The following AASDH variants were observed in gnomAD, a reference collection of about 807,000 sequenced individuals.
The protein encoded by AASDH is aminoadipate-semialdehyde dehydrogenase.
In AASDH, 81 loss-of-function variants were observed where a neutral mutation model predicts 102.3. The observed-to-expected ratio is 0.79, with a 90% confidence interval of 0.66 to 0.95. The LOEUF (loss-of-function observed/expected upper bound fraction) is 0.95. Among genes scored for constraint, AASDH ranks in the 40% least tolerant of loss-of-function variants. AASDH has a pLI of 0.00. For synonymous variants in AASDH, 398 were observed against 454.0 expected (o/e 0.88, Z 1.57); for missense variants, 1,203 against 1,266.2 (o/e 0.95, Z 0.76).
Position 56,338,311 on chromosome 4 carries a change from T to A in AASDH, c.*91A>T. 7.6e-7 allele frequency: 1 copy of A among 1,311,720 alleles called. No individual in the cohort carries two copies. The highest frequency in any genetic ancestry group is 1.0e-6 in the Non-Finnish European group (1 of 989,334). 81.3% of individuals were successfully genotyped at this position (1,311,720 alleles called of 1,614,324 possible). A position where few individuals can be genotyped will look rare whatever the true frequency, so the allele number is the denominator to read the frequency against. Reference sequence around the variant, plus strand: ...TCCGTTTCTTAGCCAAAATATAATCTTCTTTAATATAAAATAAGTCCACAT... The same window carrying A: ...TCCGTTTCTTAGCCAAAATATAATCATCTTTAATATAAAATAAGTCCACAT... On this transcript the variant is annotated 3_prime_UTR_variant, in exon 15 of 15. Transcript: ENST00000205214.
At chr4:56,382,654 A>C in intron 2 of AASDH, 57 bp from the exon 3 acceptor site, 2 of 1,555,560 alleles carry the variant, frequency 1.3e-6, no homozygotes, top group Non-Finnish European at 1.7e-6. Context: ...TATTTGTTTA[A>C]GCATTTCTAT....
intron 1 of AASDH, among the ~76,000 whole-genome samples, chr4:56,386,355 A>G (rs1753552031): frequency 6.6e-6 from 1 of 152,082 alleles, no homozygotes; most frequent in South Asian, 2.1e-4. Context: ...GTTTCTTTCC[A>G]TTTTCCCAAT....
rs541265003 is a variant in AASDH, at chr4:56,350,090, G to A, written c.1693-32C>T. On this transcript the variant is annotated intron_variant, in intron 10 of 14. Transcript: ENST00000205214. ...ATGAGAGAATAGAGAAATATGTGACGTAAAGGTCTAAAAGCAAAAGACTTC... is the reference window on the plus strand; with the variant it reads ...ATGAGAGAATAGAGAAATATGTGACATAAAGGTCTAAAAGCAAAAGACTTC... 83 of 1,505,470 alleles carry A rather than the reference G, an allele frequency of 5.5e-5. No individual in the cohort carries two copies. In the South Asian group the frequency reaches 8.8e-4, roughly 16 times the overall value. The allele number at this position is 1,505,470 out of a possible 1,614,324, so 93.3% of individuals were successfully genotyped here. A position where few individuals can be genotyped will look rare whatever the true frequency, so the allele number is the denominator to read the frequency against.
intron 4 of AASDH, among the ~76,000 whole-genome samples, chr4:56,375,157 A>G (rs1486072218): frequency 6.6e-6 from 1 of 151,544 alleles, no homozygotes; most frequent in African/African-American, 2.4e-5. Context: ...AAGTTCAATC[A>G]CAGTTCACTG....
At chr4:56,344,098 A>G (rs900674197) in intron 12 of AASDH, among the ~76,000 whole-genome samples, 6 of 152,136 alleles carry the variant, frequency 3.9e-5, no homozygotes, top group African/African-American at 1.4e-4. Context: ...TCTCTACCTT[A>G]TCATTGAACG....
intron 4 of AASDH, among the ~76,000 whole-genome samples, chr4:56,373,502 G>T (rs938605844): frequency 6.6e-6 from 1 of 152,082 alleles, no homozygotes; most frequent in African/African-American, 2.4e-5. Context: ...CTGCCTTGGG[G>T]AGAAAGAGAA....
chr4:56,345,335 T>C, intron 11 of AASDH, 45 bp from the exon 12 acceptor site: 3 of 1,555,836 alleles, frequency 1.9e-6, no homozygotes, highest in South Asian at 2.3e-5. Context: ...GATATATTAC[T>C]GGAAAATAAT....
At chr4:56,341,619 T>C (rs1747704217) in intron 14 of AASDH, among the ~76,000 whole-genome samples, 2 of 148,814 alleles carry the variant, frequency 1.3e-5, no homozygotes, top group Non-Finnish European at 3.0e-5. Context: ...GCCAGGATGG[T>C]CTCGATCTCC....
At chr4:56,364,438 T>G (rs989922974) in intron 5 of AASDH, among the ~76,000 whole-genome samples, 22 of 151,818 alleles carry the variant, frequency 1.4e-4, no homozygotes, top group Non-Finnish European at 2.2e-4. Flanking sequence ...AAGTTGAAAT[T>G]AAGGAAAAAA....
chr4:56,342,954 C>T lies in AASDH; in HGVS notation c.2788G>A (p.Val930Ile), dbSNP rs771373118. Residue 930 changes from valine to isoleucine, a missense_variant, in exon 14 of 15, where the codon GTT (valine) becomes ATT (isoleucine). By Grantham distance (29) the Val-to-Ile change is conservative. Coordinates refer to ENST00000205214, the MANE Select transcript of AASDH (RefSeq NM_181806.4). ...LLAVNPATGN[V>I]IWKHSCGKPL... ...TTTCCACAGGAATGTTTCCAAATAA[C>T]GTTCCCAGTAGCCTGTCACAGGAAA... 2.1e-5 allele frequency: 34 copies of T among 1,584,402 alleles called. No homozygotes were observed. The highest frequency in any genetic ancestry group is 2.4e-5 in the Non-Finnish European group (28 of 1,165,532).
chr4:56,386,637 C>CA (rs1408423384), intron 1 of AASDH, among the ~76,000 whole-genome samples: 2 of 148,256 alleles, frequency 1.3e-5, no homozygotes, highest in Non-Finnish European at 3.0e-5. Flanking sequence ...ACTAAAAATA[C>CA]AAAAAATTAG....
At chr4:56,375,844 T>C (rs1308760729) in intron 4 of AASDH, among the ~76,000 whole-genome samples, 1 of 151,972 alleles carries the variant, frequency 6.6e-6, no homozygotes, top group Non-Finnish European at 1.5e-5. Context: ...TTTGAGGCTA[T>C]CAAAAAAAGA....
chr4:56,338,585 C>T lies in AASDH; in HGVS notation c.3114G>A (p.Leu1038=). The change falls in exon 15 of 15, where the codon CTG becomes CTA. Residue 1038 remains leucine, a synonymous_variant. Transcript: ENST00000205214. The stretch of plus-strand genomic sequence containing the variant: ...CTTTCCCATCAGTAGATGCTGCTGC[C>T]AGCAACATTTCATTGCTGCCATTGT... ...HNYNGSNEML[L]AAASTDGKVW... is the part of the protein sequence containing the mutation. The T allele has an allele frequency of 6.2e-7, 1 of 1,614,194 alleles. No individual in the cohort carries two copies. The highest frequency in any genetic ancestry group is 1.1e-5 in the South Asian group (1 of 91,078).
chr4:56,338,698 TAAAGC>T lies in AASDH; in HGVS notation c.2996_3000del (p.Cys999TyrfsTer5), dbSNP rs1180593317. On this transcript the variant is annotated frameshift_variant, in exon 15 of 15. Transcript: ENST00000205214. LOFTEE classifies it high-confidence loss of function. ...TGACCTTTCATGTTACAACAGTAGA[TAAAGC>T]AATCATGGGAACCAAAAAATATTTT... 1 of 1,614,186 alleles carries T rather than the reference TAAAGC, an allele frequency of 6.2e-7. No individual in the cohort carries two copies. The highest frequency in any genetic ancestry group is 8.5e-7 in the Non-Finnish European group (1 of 1,180,022).
At chr4:56,342,770 A>G in intron 14 of AASDH, 65 bp downstream of exon 14, 1 of 678,972 alleles carries the variant, frequency 1.5e-6, no homozygotes, top group Non-Finnish European at 1.9e-6. Flanking sequence ...TTCTAGTTCT[A>G]TTTTTTATAT....
chr4:56,380,907 TA>T (rs1752877858), intron 3 of AASDH, among the ~76,000 whole-genome samples: 1 of 152,216 alleles, frequency 6.6e-6, no homozygotes, highest in African/African-American at 2.4e-5. Context: ...AGTTGAGAAC[TA>T]CTGCTTTAGT....
chr4:56,359,352 C>T (rs1056231747), intron 5 of AASDH, among the ~76,000 whole-genome samples: 1 of 152,018 alleles, frequency 6.6e-6, no homozygotes, highest in African/African-American at 2.4e-5. Flanking sequence ...TCCCGCCTCC[C>T]GAGTTCAAGT....
At chr4:56,346,762 G>C (rs952908175) in intron 11 of AASDH, among the ~76,000 whole-genome samples, 1 of 152,150 alleles carries the variant, frequency 6.6e-6, no homozygotes, top group Non-Finnish European at 1.5e-5. Flanking sequence ...AAAGGTGCTC[G>C]TCAGACATGG....
chr4:56,349,203 A>G (rs746518623), intron 11 of AASDH, 60 bp downstream of exon 11: 7 of 1,541,112 alleles, frequency 4.5e-6, no homozygotes, highest in Middle Eastern at 1.7e-4. Context: ...ACTTGGGCCT[A>G]TGAAGATTAT....
Sources: allele counts gnomAD v4.1 joint callset (sites outside exome capture counted in the v4.1 genomes callset), GRCh38; gene constraint gnomAD v4.1.1; transcripts MANE v1.5; gene names NCBI Gene and HGNC (gene_info 2026-07-23, HGNC 2026-07-21).